CSGALNACT1: variants seen among roughly 807,000 people sequenced by gnomAD.
The protein encoded by CSGALNACT1 is beta4GalNAcT-1.
In CSGALNACT1, 52 loss-of-function variants were observed where a neutral mutation model predicts 51.0. The ratio of observed to expected loss-of-function variants is 1.02; its 90% CI spans 0.82 to 1.29. CSGALNACT1 has a LOEUF of 1.29. Among genes scored for constraint, CSGALNACT1 ranks in the 50% most tolerant of loss-of-function variants. The pLI is 0.00. For synonymous variants in CSGALNACT1, 341 were observed against 254.4 expected (o/e 1.34, Z -3.24); for missense variants, 935 against 679.2 (o/e 1.38, Z -4.19).
intron 3 of CSGALNACT1, among the ~76,000 whole-genome samples, chr8:19,586,243 C>G (rs1382234632): frequency 6.6e-6 from 1 of 151,842 alleles, no homozygotes; most frequent in Non-Finnish European, 1.5e-5. Context: ...AGTGTAATCC[C>G]AGCTACTTGG....
chr8:19,405,743 A>G (rs1420248207), exon 10 of CSGALNACT1: 2 of 1,613,560 alleles, frequency 1.2e-6, no homozygotes, highest in Admixed American at 1.7e-5. Flanking sequence ...TTGCAAAAGG[A>G]AAGAAAAAGT....
intron 1 of CSGALNACT1, among the ~76,000 whole-genome samples, chr8:19,610,698 C>T (rs975507796): frequency 2.0e-5 from 3 of 152,182 alleles, no homozygotes; most frequent in Non-Finnish European, 2.9e-5. Flanking sequence ...TCCCACTCTA[C>T]CCACTTCTGA....
intron 1 of CSGALNACT1, among the ~76,000 whole-genome samples, chr8:19,644,132 T>G (rs1384039069): frequency 2.6e-5 from 4 of 152,182 alleles, no homozygotes; most frequent in Non-Finnish European, 5.9e-5. Flanking sequence ...ATAGAAAATT[T>G]GTGATATATG....
chr8:19,735,591 G>A (rs1361675026), intron 1 of CSGALNACT1, among the ~76,000 whole-genome samples: 16 of 152,056 alleles, frequency 1.1e-4, no homozygotes, highest in Admixed American at 9.8e-4. Context: ...CTATAAAAAT[G>A]TTTTATCTTT....
intron 6 of CSGALNACT1, among the ~76,000 whole-genome samples, chr8:19,429,745 G>T (rs940902036): frequency 6.6e-6 from 1 of 152,164 alleles, no homozygotes; most frequent in African/African-American, 2.4e-5. Context: ...ATATACCTGG[G>T]ATCAGAACTG....
upstream of CSGALNACT1, chr8:19,682,605 G>C (rs2060704289): frequency 2.2e-6 from 1 of 453,898 alleles, no homozygotes; most frequent in Admixed American, 2.3e-5. Flanking sequence ...ATGTACACTG[G>C]GACTTCAGAG....
At chr8:19,474,869 G>GAAAAAAAAAAAAAAAAAAAAAAAAAAAA (rs10683237) in intron 4 of CSGALNACT1, among the ~76,000 whole-genome samples, 1 of 86,172 alleles carries the variant, frequency 1.2e-5, no homozygotes, top group Non-Finnish European at 2.1e-5. Context: ...CTCTGTCTCA[G>GAAAAAAAAAAAAAAAAAAAAAAAAAAAA]AAAAAAAAAA....
intron 3 of CSGALNACT1, among the ~76,000 whole-genome samples, chr8:19,574,462 C>A (rs1307407433): frequency 6.6e-6 from 1 of 152,204 alleles, no homozygotes; most frequent in Non-Finnish European, 1.5e-5. Context: ...TGCTCTTTCA[C>A]AAGAGGCTCA....
chr8:19,753,467 C>G (rs1265381488), intron 1 of CSGALNACT1, among the ~76,000 whole-genome samples: 1 of 152,178 alleles, frequency 6.6e-6, no homozygotes, highest in Non-Finnish European at 1.5e-5. Context: ...AGGAAAACCA[C>G]TGGTAAGATT....
chr8:19,686,976 A>G (rs1157795062), upstream of CSGALNACT1, among the ~76,000 whole-genome samples: 4 of 152,318 alleles, frequency 2.6e-5, no homozygotes, highest in African/African-American at 9.6e-5. Flanking sequence ...TCAGGACCAA[A>G]TCATACACAA....
chr8:19,686,679 C>T (rs1044772892), upstream of CSGALNACT1, among the ~76,000 whole-genome samples: 4 of 152,232 alleles, frequency 2.6e-5, no homozygotes, highest in Non-Finnish European at 5.9e-5. Flanking sequence ...GAGCTTTTCA[C>T]CACCTCTCCC....
intron 1 of CSGALNACT1, among the ~76,000 whole-genome samples, chr8:19,729,137 AATGCACC>A (rs1452983869): frequency 6.6e-6 from 1 of 151,874 alleles, no homozygotes; most frequent in Non-Finnish European, 1.5e-5. Flanking sequence ...TGAAGACTGA[AATGCACC>A]ATTGTTGTAA....
intron 9 of CSGALNACT1, among the ~76,000 whole-genome samples, chr8:19,406,524 C>G (rs1040783733): frequency 4.6e-5 from 7 of 151,076 alleles, no homozygotes; most frequent in Admixed American, 4.6e-4. Flanking sequence ...ATGGATACCT[C>G]CCATGACCCT....
chr8:19,666,706 G>C (rs2059200639), intron 1 of CSGALNACT1, among the ~76,000 whole-genome samples: 1 of 146,812 alleles, frequency 6.8e-6, no homozygotes, highest in South Asian at 2.1e-4. Flanking sequence ...GGGAGAGAAA[G>C]AGAGAAAAGA....
intron 1 of CSGALNACT1, among the ~76,000 whole-genome samples, chr8:19,751,688 A>T (rs1018814177): frequency 6.6e-6 from 1 of 152,178 alleles, no homozygotes; most frequent in Non-Finnish European, 1.5e-5. Flanking sequence ...TGACTGAATC[A>T]TAGCGGCAGA....
chr8:19,632,583 G>GTTAAGA (rs2055425157), intron 1 of CSGALNACT1, among the ~76,000 whole-genome samples: 1 of 152,216 alleles, frequency 6.6e-6, no homozygotes, highest in Non-Finnish European at 1.5e-5. Flanking sequence ...TTAACCCGCA[G>GTTAAGA]CTATCTACAG....
intron 8 of CSGALNACT1, among the ~76,000 whole-genome samples, chr8:19,414,821 T>G (rs1056270036): frequency 3.3e-5 from 5 of 152,216 alleles, no homozygotes; most frequent in African/African-American, 9.7e-5. Context: ...TTGATACTGA[T>G]GTATTCCAAG....
chr8:19,686,384 C>A (rs909099812), upstream of CSGALNACT1, among the ~76,000 whole-genome samples: 2 of 152,190 alleles, frequency 1.3e-5, no homozygotes, highest in African/African-American at 4.8e-5. Flanking sequence ...CTCAAAGAAG[C>A]CCACCAGGTC....
At chr8:19,491,301 T>A (rs1232970142) in intron 4 of CSGALNACT1, among the ~76,000 whole-genome samples, 1 of 152,236 alleles carries the variant, frequency 6.6e-6, no homozygotes, top group East Asian at 1.9e-4. Flanking sequence ...GTTAGACAAC[T>A]AATTGCTTCT....
Sources: gnomAD v4.1 joint callset for allele counts (sites outside exome capture counted in the v4.1 genomes callset) on GRCh38, gnomAD v4.1.1 for gene constraint, MANE v1.5 for transcripts, NCBI Gene and HGNC (gene_info 2026-07-23, HGNC 2026-07-21) for gene names.